NKAIN2: variants seen among roughly 807,000 people sequenced by gnomAD.
NKAIN2 encodes the protein sodium/potassium transporting ATPase interacting 2, also known as sodium/potassium-transporting ATPase subunit beta-1-interacting protein 2.
Under a neutral mutation model 32.6 loss-of-function variants are expected in NKAIN2, and 14 were observed. The ratio of observed to expected loss-of-function variants is 0.43; its 90% CI spans 0.28 to 0.67. The LOEUF (loss-of-function observed/expected upper bound fraction) is 0.67. NKAIN2 is among the 30% of genes least tolerant of loss of function. The pLI is 0.17. For missense variants in NKAIN2, 198 were observed against 258.3 expected (o/e 0.77, Z 1.60); for synonymous variants, 80 against 87.2 (o/e 0.92, Z 0.46).
chr6:124,659,070 A>G (rs1009384814), intron 4 of NKAIN2: 1 of 152,136 alleles, frequency 6.6e-6, no homozygotes, highest in Non-Finnish European at 1.5e-5. Context: ...TTGTATTACT[A>G]TGACAAAGAG....
chr6:124,161,674 G>T (rs1473518890), intron 1 of NKAIN2, among the ~76,000 whole-genome samples: 1 of 152,064 alleles, frequency 6.6e-6, no homozygotes, highest in Non-Finnish European at 1.5e-5. Flanking sequence ...TTCAAAACAT[G>T]ACTTTGTGTT....
At chr6:124,085,156 T>C (rs1271214397) in intron 1 of NKAIN2, among the ~76,000 whole-genome samples, 3 of 152,048 alleles carry the variant, frequency 2.0e-5, no homozygotes, top group African/African-American at 7.2e-5. Context: ...AGATTTTGAT[T>C]ACATCTCAGC....
At chr6:124,312,900 C>T (rs1286430482) in intron 2 of NKAIN2, among the ~76,000 whole-genome samples, 2 of 151,806 alleles carry the variant, frequency 1.3e-5, no homozygotes, top group Admixed American at 1.3e-4. Context: ...TGGTCAGCTC[C>T]AAGACAGAAA....
Position 124,331,345 on chromosome 6 carries a change from C to CAAAAAAAAAAAAA in NKAIN2, c.193-23900_193-23888dup. On this transcript the variant is annotated intron_variant, in intron 2 of 6. Coordinates refer to ENST00000368417, the MANE Select transcript of NKAIN2 (RefSeq NM_001040214.3). ...TGAAACCCTGTCTCTACTAAATATA[C>CAAAAAAAAAAAAA]AAAAAAAAAAAAAAAAAAAAAAAAA... 3.5e-3 allele frequency among the ~76,000 whole-genome samples: 72 copies of CAAAAAAAAAAAAA among 20,818 alleles called. 9 individuals carry two copies. Among genetic ancestry groups the CAAAAAAAAAAAAA allele is most frequent in the East Asian group, 7.1e-3 (4 of 560 alleles). 13.7% of individuals were successfully genotyped at this position (20,818 alleles called of 152,430 possible).
chr6:124,778,375 A>T (rs533007405), intron 4 of NKAIN2, among the ~76,000 whole-genome samples: 2 of 151,686 alleles, frequency 1.3e-5, no homozygotes, highest in Admixed American at 6.6e-5. Flanking sequence ...AAAGCCCTGC[A>T]TAGGGGACAA....
At chr6:124,498,651 A>G (rs1330120304) in intron 3 of NKAIN2, among the ~76,000 whole-genome samples, 1 of 152,222 alleles carries the variant, frequency 6.6e-6, no homozygotes, top group Non-Finnish European at 1.5e-5. Context: ...ATTTATCATG[A>G]TAAAAATCAA....
intron 3 of NKAIN2, among the ~76,000 whole-genome samples, chr6:124,377,947 C>T (rs776619373): frequency 6.6e-6 from 1 of 152,128 alleles, no homozygotes; most frequent in Non-Finnish European, 1.5e-5. Context: ...CCTCCAGAAT[C>T]TTAAGATCTC....
intron 1 of NKAIN2, among the ~76,000 whole-genome samples, chr6:124,252,274 A>G (rs926167834): frequency 6.6e-6 from 1 of 152,088 alleles, no homozygotes; most frequent in African/African-American, 2.4e-5. Context: ...TACCAATCCA[A>G]TATCAAAAGC....
At chr6:123,938,586 G>GTTTTTATATATTATATATA (rs1235813774) in intron 1 of NKAIN2, among the ~76,000 whole-genome samples, 2 of 120,218 alleles carry the variant, frequency 1.7e-5, no homozygotes, top group Non-Finnish European at 1.8e-5. Flanking sequence ...TATTTATATA[G>GTTTTTATATATTATATATA]TTTTTATATA....
intron 3 of NKAIN2, among the ~76,000 whole-genome samples, chr6:124,394,174 C>T (rs922742282): frequency 6.6e-6 from 1 of 151,938 alleles, no homozygotes; most frequent in African/African-American, 2.4e-5. Context: ...TTTCATGAGT[C>T]ATTACTCTGC....
At chr6:123,983,917 T>A (rs1431897347) in intron 1 of NKAIN2, among the ~76,000 whole-genome samples, 2 of 148,066 alleles carry the variant, frequency 1.4e-5, no homozygotes, top group Non-Finnish European at 2.9e-5. Flanking sequence ...TATTTATTTA[T>A]TTTTTTTGAG....
chr6:123,995,210 A>T lies in NKAIN2; in HGVS notation c.54+190956A>T, dbSNP rs571105544. ...AGATGAATTCAAAAGATTTTGATAA[A>T]TGACAGATATAGGCATTATAGACAT... On this transcript the variant is annotated intron_variant, in intron 1 of 6. Transcript: ENST00000368417. Among the ~76,000 whole-genome samples the T allele has an allele frequency of 2.2e-4, 34 of 152,304 alleles. No homozygotes were observed. The South Asian group carries it at 6.0e-3, about 27-fold the overall frequency.
intron 1 of NKAIN2, among the ~76,000 whole-genome samples, chr6:124,170,589 GA>G (rs1788794805): frequency 6.6e-6 from 1 of 152,022 alleles, no homozygotes; most frequent in Non-Finnish European, 1.5e-5. Context: ...TATAGTAACT[GA>G]TTTTTTCTTA....
At chr6:124,070,735 C>T (rs1017830423) in intron 1 of NKAIN2, among the ~76,000 whole-genome samples, 4 of 152,140 alleles carry the variant, frequency 2.6e-5, no homozygotes, top group Non-Finnish European at 5.9e-5. Flanking sequence ...CCAACATCAT[C>T]TTTCACATGA....
At chr6:123,830,581 T>C (rs965711791) in intron 1 of NKAIN2, among the ~76,000 whole-genome samples, 8 of 152,260 alleles carry the variant, frequency 5.3e-5, no homozygotes, top group Admixed American at 3.3e-4. Context: ...AAAATAAGTT[T>C]CACTTTCTCA....
intron 3 of NKAIN2, among the ~76,000 whole-genome samples, chr6:124,461,449 C>G (rs866893141): frequency 1.3e-5 from 2 of 151,824 alleles, no homozygotes; most frequent in South Asian, 2.1e-4. Flanking sequence ...TAATATTAGA[C>G]TGTTTTCTTA....
chr6:124,521,023 TTTG>T (rs1779098550), intron 3 of NKAIN2, among the ~76,000 whole-genome samples: 3 of 152,322 alleles, frequency 2.0e-5, no homozygotes, highest in South Asian at 4.1e-4. Flanking sequence ...TAGTAGCTTT[TTTG>T]TTGTTGTTGG....
chr6:124,586,046 A>C (rs76009674), intron 3 of NKAIN2, among the ~76,000 whole-genome samples: 15,976 of 152,026 alleles, frequency 0.11, 1,065 homozygotes, highest in African/African-American at 0.19. Flanking sequence ...ACTTCTATCT[A>C]TTGTCTTCAA....
intron 2 of NKAIN2, among the ~76,000 whole-genome samples, chr6:124,323,606 G>A (rs991545623): frequency 6.6e-6 from 1 of 151,978 alleles, no homozygotes; most frequent in East Asian, 1.9e-4. Flanking sequence ...GCATGTTCGT[G>A]TGGGGCATTT....
Sources: gnomAD v4.1 joint callset for allele counts (sites outside exome capture counted in the v4.1 genomes callset) on GRCh38, gnomAD v4.1.1 for gene constraint, MANE v1.5 for transcripts, NCBI Gene and HGNC (gene_info 2026-07-23, HGNC 2026-07-21) for gene names.